Variants in ELMO1 observed in about 807,000 individuals in gnomAD.
ELMO1 encodes engulfment and cell motility 1.
Under a neutral mutation model 98.9 loss-of-function variants are expected in ELMO1, and 26 were observed. That is an observed-to-expected ratio of 0.26 (90% CI 0.19 to 0.36). ELMO1 has a LOEUF of 0.36. ELMO1 is among the 10% of genes least tolerant of loss of function. ELMO1 has a pLI of 1.00. For missense variants in ELMO1, 627 were observed against 935.2 expected (o/e 0.67, Z 4.30); for synonymous variants, 346 against 346.0 (o/e 1.00, Z 0.00).
chr7:37,199,954 G>A (rs1428271841), intron 13 of ELMO1, among the ~76,000 whole-genome samples: 1 of 152,210 alleles, frequency 6.6e-6, no homozygotes, highest in African/African-American at 2.4e-5. Context: ...CCTGCCCCAT[G>A]ACTTAATGTG....
chr7:37,293,045 G>A (rs1375886067), intron 4 of ELMO1, among the ~76,000 whole-genome samples: 5 of 42,404 alleles, frequency 1.2e-4, no homozygotes, highest in African/African-American at 3.0e-4. Flanking sequence ...GAGGGAGGTG[G>A]GGGGGTCAGC....
At chr7:37,228,860 TG>T (rs1278689846) in intron 8 of ELMO1, among the ~76,000 whole-genome samples, 1 of 151,916 alleles carries the variant, frequency 6.6e-6, no homozygotes, top group African/African-American at 2.4e-5. Flanking sequence ...GGCGTGGTGG[TG>T]GGCTCCTGTA....
chr7:36,932,731 AC>A (rs1472348235), intron 16 of ELMO1, among the ~76,000 whole-genome samples: 1 of 151,986 alleles, frequency 6.6e-6, no homozygotes, highest in Non-Finnish European at 1.5e-5. Flanking sequence ...TATCCATTAG[AC>A]TCTTGGATGT....
chr7:37,027,840 T>C (rs1342068801), intron 15 of ELMO1, among the ~76,000 whole-genome samples: 2 of 137,792 alleles, frequency 1.5e-5, no homozygotes, highest in Non-Finnish European at 3.0e-5. Flanking sequence ...AACTGAGATT[T>C]ACCAAAAAAA....
At chr7:36,875,121 T>C (rs1803843266) in intron 19 of ELMO1, among the ~76,000 whole-genome samples, 1 of 152,212 alleles carries the variant, frequency 6.6e-6, no homozygotes, top group African/African-American at 2.4e-5. Flanking sequence ...TAAAAGCACG[T>C]CTCATTTTTC....
intron 1 of ELMO1, among the ~76,000 whole-genome samples, chr7:37,391,246 A>G (rs1803065107): frequency 6.6e-6 from 1 of 152,096 alleles, no homozygotes; most frequent in Admixed American, 6.5e-5. Flanking sequence ...CCTCCTGAGT[A>G]GCTGGAATTA....
At chr7:37,073,489 C>T (rs947795315) in intron 15 of ELMO1, among the ~76,000 whole-genome samples, 1 of 152,034 alleles carries the variant, frequency 6.6e-6, no homozygotes, top group African/African-American at 2.4e-5. Context: ...CTTTAATTTT[C>T]TCCTTTAAAT....
intron 14 of ELMO1, among the ~76,000 whole-genome samples, chr7:37,099,147 A>G (rs1784511102): frequency 6.6e-6 from 1 of 152,182 alleles, no homozygotes; most frequent in Admixed American, 6.5e-5. Flanking sequence ...TTATTTTTTA[A>G]TGCACCATCC....
At chr7:37,194,007 C>T (rs1037574530) in intron 13 of ELMO1, among the ~76,000 whole-genome samples, 10 of 152,174 alleles carry the variant, frequency 6.6e-5, no homozygotes, top group Admixed American at 2.6e-4. Flanking sequence ...TCTGGAAAGC[C>T]CTGGCTCTCC....
intron 13 of ELMO1, among the ~76,000 whole-genome samples, chr7:37,174,378 C>T (rs2129875001): frequency 6.6e-6 from 1 of 152,250 alleles, no homozygotes; most frequent in East Asian, 1.9e-4. Flanking sequence ...ATTTAGGGGT[C>T]TAGTTTAATC....
intron 16 of ELMO1, among the ~76,000 whole-genome samples, chr7:36,979,914 G>A (rs913415446): frequency 6.6e-6 from 1 of 152,158 alleles, no homozygotes; most frequent in Non-Finnish European, 1.5e-5. Flanking sequence ...GTGGACGTCA[G>A]AACTGCCCCA....
intron 4 of ELMO1, among the ~76,000 whole-genome samples, chr7:37,274,129 G>C (rs1036727325): frequency 3.9e-5 from 6 of 152,154 alleles, no homozygotes; most frequent in Admixed American, 3.3e-4. Context: ...ACATGGTACT[G>C]AATGCCTCTT....
chr7:37,056,001 C>T (rs1422363086), intron 15 of ELMO1, among the ~76,000 whole-genome samples: 1 of 152,158 alleles, frequency 6.6e-6, no homozygotes, highest in African/African-American at 2.4e-5. Context: ...CATTCAGAAA[C>T]ATTTGGTGCT....
chr7:37,196,154 A>G (rs1050327171), intron 13 of ELMO1, among the ~76,000 whole-genome samples: 5 of 152,206 alleles, frequency 3.3e-5, no homozygotes, highest in African/African-American at 1.2e-4. Context: ...CTGAGAATGG[A>G]GACAAGGCCT....
chr7:37,195,249 A>G (rs1387683501), intron 13 of ELMO1, among the ~76,000 whole-genome samples: 1 of 152,214 alleles, frequency 6.6e-6, no homozygotes, highest in Non-Finnish European at 1.5e-5. Flanking sequence ...TCAACAATCA[A>G]TTCCATGAAG....
intron 13 of ELMO1, among the ~76,000 whole-genome samples, chr7:37,167,967 C>G (rs1789841703): frequency 6.6e-6 from 1 of 152,172 alleles, no homozygotes; most frequent in African/African-American, 2.4e-5. Context: ...CCGTCACTTT[C>G]AGGTACACCA....
chr7:37,445,836 T>C (rs1009517044), intron 1 of ELMO1, among the ~76,000 whole-genome samples: 10 of 152,166 alleles, frequency 6.6e-5, no homozygotes, highest in African/African-American at 2.4e-4. Flanking sequence ...TGCCTCTGAC[T>C]TCAATCCCCT....
At chr7:37,025,892 A>ATTTTC (rs1415909503) in intron 15 of ELMO1, among the ~76,000 whole-genome samples, 1 of 89,076 alleles carries the variant, frequency 1.1e-5, no homozygotes, top group African/African-American at 4.1e-5. Flanking sequence ...TATATATTAT[A>ATTTTC]TATTCTATCT....
chr7:37,399,582 C>G (rs2131453234), intron 1 of ELMO1, among the ~76,000 whole-genome samples: 1 of 152,318 alleles, frequency 6.6e-6, no homozygotes, highest in East Asian at 1.9e-4. Flanking sequence ...AACCTTTCAT[C>G]TTATTCTTCG....
Sources: allele counts gnomAD v4.1 joint callset (sites outside exome capture counted in the v4.1 genomes callset), GRCh38; gene constraint gnomAD v4.1.1; transcripts MANE v1.5; gene names NCBI Gene and HGNC (gene_info 2026-07-23, HGNC 2026-07-21).